SLC6A11: variants seen among roughly 807,000 people sequenced by gnomAD.
SLC6A11 encodes sodium- and chloride-dependent GABA transporter 3.
A neutral mutation model predicts 74.8 loss-of-function variants in SLC6A11; 25 were observed. The ratio of observed to expected loss-of-function variants is 0.33; its 90% CI spans 0.24 to 0.47. The LOEUF is 0.47. SLC6A11 is among the 20% of genes least tolerant of loss of function. The pLI, the probability that SLC6A11 is intolerant of heterozygous loss-of-function variation, is 1.00. For missense variants in SLC6A11, 574 were observed against 837.0 expected (o/e 0.69, Z 3.88); for synonymous variants, 330 against 330.2 (o/e 1.00, Z 0.01).
At chr3:10,837,242 G>T (rs1694378719) in intron 4 of SLC6A11, among the ~76,000 whole-genome samples, 1 of 152,204 alleles carries the variant, frequency 6.6e-6, no homozygotes, top group Admixed American at 6.5e-5. Context: ...GCAATGTGAG[G>T]AAGTGCAGGA....
intron 1 of SLC6A11, among the ~76,000 whole-genome samples, chr3:10,818,597 T>TA (rs1559550428): frequency 6.6e-6 from 1 of 152,214 alleles, no homozygotes. Flanking sequence ...TCCTTACGGT[T>TA]AAGGAGACTT....
chr3:10,824,683 C>T lies in SLC6A11; in HGVS notation c.623+1291C>T, dbSNP rs1694183505. 3 of 152,204 alleles carry T rather than the reference C, an allele frequency of 2.0e-5. No homozygotes were observed. The South Asian group carries it at 6.2e-4, about 32-fold the overall frequency. The allele number at this position is 152,204 out of a possible 1,614,324, so 9.4% of individuals were successfully genotyped here. ...AGCTTTGGTTCTTTCATTTTTCTAT[C>T]AGAGTATTTCATTGTATGAATGGCC... On this transcript the variant is annotated intron_variant, in intron 4 of 13. Coordinates refer to ENST00000254488, the MANE Select transcript of SLC6A11 (RefSeq NM_014229.3).
intron 4 of SLC6A11, among the ~76,000 whole-genome samples, chr3:10,839,922 G>C (rs1436119854): frequency 6.6e-6 from 1 of 152,138 alleles, no homozygotes; most frequent in Non-Finnish European, 1.5e-5. Context: ...GGCTGCCCCA[G>C]GCAGTCCTCT....
intron 6 of SLC6A11, 144 bp from the exon 7 acceptor site, chr3:10,911,946 C>A: frequency 3.0e-6 from 2 of 670,690 alleles, no homozygotes; most frequent in East Asian, 5.0e-5. Context: ...TAAAGGGGGT[C>A]CTGGGTAGGT....
intron 13 of SLC6A11, 81 bp from the exon 14 acceptor site, chr3:10,938,169 G>A (rs1300537921): frequency 2.9e-5 from 39 of 1,344,244 alleles, no homozygotes; most frequent in Middle Eastern, 2.5e-4. Context: ...GATGTCCGCC[G>A]TGTGCTTGGG....
chr3:10,886,657 A>C (rs369704034), intron 6 of SLC6A11, among the ~76,000 whole-genome samples: 1 of 152,168 alleles, frequency 6.6e-6, no homozygotes, highest in Non-Finnish European at 1.5e-5. Flanking sequence ...AAATACAAAA[A>C]TTAGCCAGGC....
intron 6 of SLC6A11, among the ~76,000 whole-genome samples, chr3:10,883,426 G>A (rs1695006172): frequency 6.6e-6 from 1 of 152,144 alleles, no homozygotes; most frequent in African/African-American, 2.4e-5. Flanking sequence ...AGAACAGAAA[G>A]GCCTGTCACA....
chr3:10,877,328 A>G (rs1694920991), intron 6 of SLC6A11, among the ~76,000 whole-genome samples: 1 of 152,204 alleles, frequency 6.6e-6, no homozygotes, highest in Non-Finnish European at 1.5e-5. Context: ...GTTTGTTTCC[A>G]TCATCAGCAA....
rs549637296 is a variant in SLC6A11, at chr3:10,940,370, G to A, written c.*1968G>A. 6.6e-6 allele frequency: 1 copy of A among 152,342 alleles called. No homozygotes were observed. Among genetic ancestry groups the A allele is most frequent in the Admixed American group, 6.5e-5 (1 of 15,306 alleles). 9.4% of individuals were successfully genotyped at this position (152,342 alleles called of 1,614,324 possible). A position where few individuals can be genotyped will look rare whatever the true frequency, so the allele number is the denominator to read the frequency against. On this transcript the variant is annotated 3_prime_UTR_variant, in exon 14 of 14. Coordinates refer to ENST00000254488, the MANE Select transcript of SLC6A11 (RefSeq NM_014229.3). ...CCACAGATCCCTGTGGTCCGCCATC[G>A]CCGACACACACACACGTCGTAATGT... is the stretch of plus-strand genomic sequence containing the variant.
At chr3:10,893,475 A>G (rs916686460) in intron 6 of SLC6A11, among the ~76,000 whole-genome samples, 2 of 152,250 alleles carry the variant, frequency 1.3e-5, no homozygotes, top group East Asian at 1.9e-4. Context: ...GGAGGAGACA[A>G]CTGATCCCAG....
intron 5 of SLC6A11, among the ~76,000 whole-genome samples, chr3:10,858,682 G>A (rs981412552): frequency 1.3e-5 from 2 of 152,214 alleles, no homozygotes; most frequent in Non-Finnish European, 1.5e-5. Flanking sequence ...CCTGCTCAAG[G>A]TCACAGAGCT....
chr3:10,880,217 T>C (rs968720181), intron 6 of SLC6A11, among the ~76,000 whole-genome samples: 2 of 152,202 alleles, frequency 1.3e-5, no homozygotes, highest in African/African-American at 4.8e-5. Context: ...AGGAAGTCAG[T>C]GAAAGTTTCC....
intron 8 of SLC6A11, among the ~76,000 whole-genome samples, chr3:10,924,228 A>C (rs1695572665): frequency 6.6e-6 from 1 of 152,246 alleles, no homozygotes; most frequent in African/African-American, 2.4e-5. Context: ...CAGTTATTAA[A>C]TATTGAAAGT....
At chr3:10,874,680 C>T (rs1377349716) in intron 5 of SLC6A11, among the ~76,000 whole-genome samples, 3 of 152,134 alleles carry the variant, frequency 2.0e-5, no homozygotes, top group Non-Finnish European at 4.4e-5. Flanking sequence ...CCCATTTCCC[C>T]CCTCCCAGTT....
intron 6 of SLC6A11, among the ~76,000 whole-genome samples, chr3:10,898,644 ATTATCCGCAT>A (rs1695200233): frequency 6.6e-6 from 1 of 152,208 alleles, no homozygotes; most frequent in Admixed American, 6.5e-5. Context: ...TGTCCATGTC[ATTATCCGCAT>A]TTTTGTCAAA....
Position 10,938,392 on chromosome 3 carries a change from C to A in SLC6A11, c.1889C>A (p.Thr630Lys), listed in dbSNP as rs761889287. Residue 630 changes from threonine to lysine, a missense_variant, in exon 14 of 14, where the codon ACG becomes AAG. Thr to Lys is a moderately conservative substitution (Grantham distance 78, BLOSUM62 -1). Around this residue, in one of 4 missense-constraint regions of SLC6A11, gnomAD observed 257 missense variants for 341.5 expected, o/e 0.75. Transcript: ENST00000254488. The part of the protein sequence containing the change: ...GTIAAITEKE[T>K]HF ...ATCGCAGCCATCACAGAGAAGGAGA[C>A]GCACTTCTGAGCGGCCACCAGCCAT... is the stretch of plus-strand genomic sequence containing the variant. 2 of 1,598,658 alleles carry A rather than the reference C, an allele frequency of 1.3e-6. No homozygotes were observed. The highest frequency in any genetic ancestry group is 1.3e-5 in the African/African-American group (1 of 74,644).
chr3:10,855,904 C>T (rs954489782), intron 5 of SLC6A11, among the ~76,000 whole-genome samples: 1 of 152,240 alleles, frequency 6.6e-6, no homozygotes, highest in Non-Finnish European at 1.5e-5. Flanking sequence ...TTTCCTTCCT[C>T]TTTGCCTATG....
At chr3:10,835,845 G>C (rs73035888) in intron 4 of SLC6A11, among the ~76,000 whole-genome samples, 229 of 152,304 alleles carry the variant, frequency 1.5e-3, no homozygotes, top group Middle Eastern at 3.4e-3. Context: ...GGGTTGGGAG[G>C]GGGGAGCCCT....
At chr3:10,859,079 A>G (rs1014119739) in intron 5 of SLC6A11, among the ~76,000 whole-genome samples, 2 of 152,236 alleles carry the variant, frequency 1.3e-5, no homozygotes, top group Non-Finnish European at 2.9e-5. Context: ...GCTTAAAGCC[A>G]GGGGATTCTA....
Sources: gnomAD v4.1 joint callset for allele counts (sites outside exome capture counted in the v4.1 genomes callset) on GRCh38, gnomAD v4.1.1 for gene constraint, gnomAD v4.1.1 regional missense constraint, MANE v1.5 for transcripts, NCBI Gene and HGNC (gene_info 2026-07-23, HGNC 2026-07-21) for gene names.